The following CAMTA1 variants were observed in gnomAD, a reference collection of about 807,000 sequenced individuals.
The protein encoded by CAMTA1 is calmodulin-binding transcription activator 1.
In CAMTA1, 27 loss-of-function variants were observed where a neutral mutation model predicts 170.9. That is an observed-to-expected ratio of 0.16 (90% CI 0.12 to 0.22). CAMTA1 has a LOEUF of 0.22. Among genes scored for constraint, CAMTA1 ranks in the 10% least tolerant of loss-of-function variants. The probability of loss-of-function intolerance (pLI) is 1.00; values close to 1 mark genes in which losing one functional copy is unlikely to be tolerated. For synonymous variants in CAMTA1, 833 were observed against 891.5 expected, an observed-to-expected ratio of 0.93 and a Z score of 1.17; for missense variants, 1,619 against 2,217.2, an observed-to-expected ratio of 0.73 and a Z score of 5.42.
rs368260763 is a variant in CAMTA1 at position 7,737,566 on chromosome 1, C to T, written c.3654C>T (p.Asn1218=). 177 of 1,601,316 alleles carry T rather than the reference C, an allele frequency of 1.1e-4. No homozygotes were observed. The highest frequency in any genetic ancestry group is 1.3e-4 in the Non-Finnish European group (157 of 1,172,640). Residue 1218 remains asparagine (N), a synonymous_variant, in exon 15 of 23, where the codon AAC becomes AAT. Coordinates refer to ENST00000303635, the MANE Select transcript of CAMTA1 (RefSeq NM_015215.4). The stretch of plus-strand genomic sequence containing the variant: ...GAGTCACTGTTATTGCAAGCACCAA[C>T]CCAGGTAAGAATTCAGAATCATGAC... The part of the protein sequence containing the change: ...PKGVTVIAST[N]PELRRPRSEP...
rs7555935 is a variant in CAMTA1, at chr1:7,456,254, G to A, written c.439-11576G>A. ...GGAGAGAAGGAGGGAGGGAGGAAGG[G>A]AGGAAGGGGGGCAGGGAGGCAAGAA... On this transcript the variant is annotated intron_variant, in intron 5 of 22. Transcript: ENST00000303635. The surrounding 1 kb of genome is among the most constrained non-coding windows in gnomAD (Gnocchi z 4.9). Among the ~76,000 whole-genome samples, 59,591 of 142,688 alleles carry A rather than the reference G, an allele frequency of 0.42. 13,141 individuals carry two copies. Among genetic ancestry groups the A allele is most frequent in the African/African-American group, 0.56 (21,337 of 38,118 alleles). 93.6% of individuals were successfully genotyped at this position (142,688 alleles called of 152,430 possible).
intron 6 of CAMTA1, among the ~76,000 whole-genome samples, chr1:7,617,661 G>A (rs2095568080): frequency 1.3e-5 from 2 of 152,124 alleles, no homozygotes; most frequent in African/African-American, 4.8e-5. Flanking sequence ...TCAATGGTAG[G>A]GTCACCTGAA....
At chr1:6,817,142 T>C (rs1010820173) in intron 1 of CAMTA1, among the ~76,000 whole-genome samples, 2 of 152,220 alleles carry the variant, frequency 1.3e-5, no homozygotes, top group African/African-American at 2.4e-5. Flanking sequence ...TGTTAGACTT[T>C]GAAGTTGGGT....
intron 5 of CAMTA1, among the ~76,000 whole-genome samples, chr1:7,464,635 C>T (rs765979250): frequency 1.2e-4 from 18 of 152,140 alleles, no homozygotes; most frequent in Non-Finnish European, 2.1e-4. Context: ...CCTTCACTGG[C>T]TGCTTTTCCT....
At chr1:7,536,805 G>A (rs2094554714) in intron 6 of CAMTA1, among the ~76,000 whole-genome samples, 2 of 151,826 alleles carry the variant, frequency 1.3e-5, no homozygotes, top group African/African-American at 2.4e-5. Flanking sequence ...GCTGCCTGCA[G>A]CCTGAAGCCC....
chr1:7,626,062 G>A (rs2095631457), intron 6 of CAMTA1, among the ~76,000 whole-genome samples: 1 of 152,182 alleles, frequency 6.6e-6, no homozygotes, highest in Non-Finnish European at 1.5e-5. Flanking sequence ...GACATAAACT[G>A]TTGAGAGCCA....
chr1:7,425,641 C>T (rs930943982), intron 5 of CAMTA1, among the ~76,000 whole-genome samples: 9 of 152,030 alleles, frequency 5.9e-5, no homozygotes, highest in African/African-American at 2.2e-4. Flanking sequence ...GAGCAATCCC[C>T]CCTCCACCAT....
At chr1:7,747,510 A>G (rs758097057) in intron 18 of CAMTA1, among the ~76,000 whole-genome samples, 200 bp from the exon 19 acceptor site, 6 of 152,228 alleles carry the variant, frequency 3.9e-5, no homozygotes, top group Non-Finnish European at 7.3e-5. Flanking sequence ...TTCCAATATC[A>G]TAGTTTTATT....
In CAMTA1 at chr1:6,951,993, C is replaced by A. The variant is rs11120794; in HGVS notation, c.234+126783C>A. ...CTCCCTTGAACCACAGCCCCAAACC[C>A]CATCTCCCACCTGTCCAGCCTCTGC... is the stretch of plus-strand genomic sequence containing the variant. On this transcript the variant is annotated intron_variant, in intron 3 of 22. Coordinates refer to ENST00000303635, the MANE Select transcript of CAMTA1 (RefSeq NM_015215.4). Among the ~76,000 whole-genome samples, 3 of 152,124 alleles carry A rather than the reference C, an allele frequency of 2.0e-5. No individual in the cohort carries two copies. The East Asian group carries it at 5.8e-4, about 29-fold the overall frequency.
intron 6 of CAMTA1, among the ~76,000 whole-genome samples, chr1:7,535,586 T>C (rs1270880628): frequency 6.6e-6 from 1 of 152,168 alleles, no homozygotes; most frequent in Admixed American, 6.5e-5. Flanking sequence ...CTTTCTTGGG[T>C]GCAGGACTGG....
intron 7 of CAMTA1, 81 bp from the exon 8 acceptor site, chr1:7,661,645 C>A: frequency 6.6e-7 from 1 of 1,515,972 alleles, no homozygotes. Flanking sequence ...TCAGGGAGGG[C>A]CTGGGTCCTA....
At chr1:7,539,230 C>G (rs1017760448) in intron 6 of CAMTA1, among the ~76,000 whole-genome samples, 8 of 152,266 alleles carry the variant, frequency 5.3e-5, no homozygotes, top group African/African-American at 1.9e-4. Flanking sequence ...ATGGCTGCAA[C>G]AGGCAGGACT....
rs1198784963 is a variant in CAMTA1 at position 7,482,934 on chromosome 1, T to C, written c.510+15033T>C. ...CAGTCAGAGTGATGTGAGCTGTAAA[T>C]GTGCCCAGGCCCCACCCCATGTCAT... On this transcript the variant is annotated intron_variant, in intron 6 of 22. Transcript: ENST00000303635. This position sits in a 1 kb window ranked among gnomAD's most constrained non-coding sequence, Gnocchi z 4.2. Among the ~76,000 whole-genome samples the C allele has an allele frequency of 6.6e-6, 1 of 152,062 alleles. No homozygotes were observed. Among genetic ancestry groups the C allele is most frequent in the African/African-American group, 2.4e-5 (1 of 41,410 alleles).
intron 5 of CAMTA1, among the ~76,000 whole-genome samples, chr1:7,382,041 A>G (rs2087399594): frequency 6.6e-6 from 1 of 152,204 alleles, no homozygotes; most frequent in South Asian, 2.1e-4. Flanking sequence ...ACCTCATGGC[A>G]CAAAATAGCT....
intron 6 of CAMTA1, among the ~76,000 whole-genome samples, chr1:7,571,468 C>G (rs971107853): frequency 7.9e-5 from 12 of 152,058 alleles, no homozygotes; most frequent in African/African-American, 2.9e-4. Flanking sequence ...CTATTTTTTT[C>G]TGATCCTTTC....
intron 6 of CAMTA1, among the ~76,000 whole-genome samples, chr1:7,471,779 T>C (rs1186732435): frequency 6.6e-6 from 1 of 152,170 alleles, no homozygotes; most frequent in African/African-American, 2.4e-5. Flanking sequence ...CCCTCCTGTT[T>C]GGGATTTTCT....
At chr1:7,237,675 C>A (rs1360050065) in intron 4 of CAMTA1, among the ~76,000 whole-genome samples, 2 of 152,216 alleles carry the variant, frequency 1.3e-5, no homozygotes, top group Non-Finnish European at 2.9e-5. Context: ...AGTTATTAAT[C>A]ATCTTTTATC....
At chr1:7,284,136 T>TTCC (rs1671925626) in intron 5 of CAMTA1, among the ~76,000 whole-genome samples, 2 of 72,122 alleles carry the variant, frequency 2.8e-5, no homozygotes, top group Non-Finnish European at 5.4e-5. Flanking sequence ...GTTCTTCTTC[T>TTCC]TCTTCTTCTT....
intron 3 of CAMTA1, among the ~76,000 whole-genome samples, chr1:7,054,658 TA>T (rs1412680943): frequency 6.6e-6 from 1 of 152,156 alleles, no homozygotes; most frequent in African/African-American, 2.4e-5. Context: ...GAACAGGCAG[TA>T]GCGTGACCTT....
Sources: gnomAD v4.1 joint callset for allele counts (sites outside exome capture counted in the v4.1 genomes callset) on GRCh38, gnomAD v4.1.1 for gene constraint, Gnocchi (gnomAD v3.1) non-coding constraint, MANE v1.5 for transcripts, NCBI Gene and HGNC (gene_info 2026-07-23, HGNC 2026-07-21) for gene names.